The following BANP variants were observed in gnomAD, a reference collection of about 807,000 sequenced individuals.
BANP encodes protein BANP.
BANP carries 11 observed loss-of-function variants against 68.1 expected under a neutral mutation model. The observed-to-expected ratio is 0.16, with a 90% CI of 0.10 to 0.27. The LOEUF is 0.27. Among genes scored for constraint, BANP ranks in the 10% least tolerant of loss-of-function variants. The pLI is 1.00. For missense variants in BANP, 504 were observed against 722.7 expected, an observed-to-expected ratio of 0.70 and a Z score of 3.47; for synonymous variants, 329 against 303.2, an observed-to-expected ratio of 1.09 and a Z score of -0.88.
chr16:87,987,950 G>A (rs543925456), intron 4 of BANP, among the ~76,000 whole-genome samples: 9 of 152,024 alleles, frequency 5.9e-5, no homozygotes, highest in African/African-American at 2.2e-4. Flanking sequence ...TTTTGATAGA[G>A]ATGAGGTTTT....
chr16:87,949,256 G>A (rs947206573), upstream of BANP: 1 of 152,186 alleles, frequency 6.6e-6, no homozygotes, highest in African/African-American at 2.4e-5. Flanking sequence ...ACTTGGGAAT[G>A]TTTTGAAACA....
intron 2 of BANP, among the ~76,000 whole-genome samples, chr16:87,975,835 G>C (rs1185964453): frequency 1.8e-5 from 2 of 113,002 alleles, no homozygotes; most frequent in South Asian, 2.3e-4. Flanking sequence ...ATCATGTTGT[G>C]TGTGTAATCC....
chr16:88,038,294 G>A (rs999945329), intron 11 of BANP, among the ~76,000 whole-genome samples: 10 of 152,142 alleles, frequency 6.6e-5, no homozygotes, highest in South Asian at 2.1e-4. Flanking sequence ...GGGGGCTCTC[G>A]CGGGAGGGAG....
chr16:87,970,320 G>A (rs1392256085), intron 1 of BANP: 1 of 152,216 alleles, frequency 6.6e-6, no homozygotes, highest in Non-Finnish European at 1.5e-5. Context: ...TTGTTCGGTA[G>A]GGGAGCCTCC....
intron 7 of BANP, among the ~76,000 whole-genome samples, chr16:88,021,687 G>A (rs1176925523): frequency 6.6e-6 from 1 of 152,226 alleles, no homozygotes; most frequent in East Asian, 1.9e-4. Flanking sequence ...AATGCATGGA[G>A]CAAACCTCCC....
At position 87,981,507 on chromosome 16, in the gene BANP, C is replaced by T. The variant is rs181005389; in HGVS notation, c.162+380C>T. ...TCTCATTGACTAAATTACATCTACA[C>T]AGACCCAAAGAGTTTCTAAATTACA... On this transcript the variant is annotated intron_variant, in intron 3 of 13. Coordinates refer to ENST00000682872, the MANE Select transcript of BANP (RefSeq NM_001386991.1). 6.6e-5 allele frequency among the ~76,000 whole-genome samples: 10 copies of T among 152,358 alleles called. No individual in the cohort carries two copies. In the East Asian group the frequency reaches 1.9e-3, roughly 29 times the overall value.
chr16:88,076,326 C>G (rs1599211074), intron 13 of BANP, among the ~76,000 whole-genome samples: 1 of 141,028 alleles, frequency 7.1e-6, no homozygotes, highest in East Asian at 2.4e-4. Context: ...TGCGCCGGCC[C>G]CGGTGACGGA....
At chr16:88,015,090 CCCCTCTGCCCGTCCCTCTGCCT>C (rs750421044) in intron 6 of BANP, among the ~76,000 whole-genome samples, 8,717 of 140,018 alleles carry the variant, frequency 0.062, 361 homozygotes, top group African/African-American at 0.12. Flanking sequence ...CTCTGCCTGT[CCCCTCTGCCCGTCCCTCTGCCT>C]GTCCCTCTGC....
At chr16:87,983,756 A>G (rs566917851) in intron 3 of BANP, among the ~76,000 whole-genome samples, 3 of 152,294 alleles carry the variant, frequency 2.0e-5, no homozygotes, top group East Asian at 1.9e-4. Context: ...TTTACTGATT[A>G]ATAATAACAT....
intron 4 of BANP, among the ~76,000 whole-genome samples, chr16:87,988,078 A>G (rs2064926662): frequency 6.6e-6 from 1 of 152,236 alleles, no homozygotes; most frequent in African/African-American, 2.4e-5. Context: ...AGATAAGAAC[A>G]TAATCCCAGT....
At chr16:88,028,925 A>G (rs1374301409) in intron 8 of BANP, among the ~76,000 whole-genome samples, 1 of 152,226 alleles carries the variant, frequency 6.6e-6, no homozygotes, top group Non-Finnish European at 1.5e-5. Context: ...TAGTAGGATA[A>G]TTTTTATTTT....
intron 6 of BANP, among the ~76,000 whole-genome samples, chr16:88,015,165 G>A (rs1285942055): frequency 5.1e-5 from 7 of 138,610 alleles, no homozygotes; most frequent in African/African-American, 1.6e-4. Flanking sequence ...CCCTCTGCCC[G>A]TCCCCTCTGC....
chr16:88,039,080 T>C (rs1202366340), intron 11 of BANP, among the ~76,000 whole-genome samples: 1 of 152,172 alleles, frequency 6.6e-6, no homozygotes, highest in Admixed American at 6.5e-5. Context: ...CCCGTGGGCT[T>C]TCCGTTGACC....
chr16:87,959,217 G>T lies in BANP; in HGVS notation c.-69+7702G>T, dbSNP rs562399706. On this transcript the variant is annotated intron_variant, in intron 1 of 13. Transcript: ENST00000682872. ...GACTCTGCTGTTGGGCTGAGAAGCA[G>T]GCACCTTGTTTGTGGACGCTGACAT... is the stretch of plus-strand genomic sequence containing the variant. Among the ~76,000 whole-genome samples, 5 of 152,346 alleles carry T rather than the reference G, an allele frequency of 3.3e-5. No individual in the cohort carries two copies. In the South Asian group the frequency reaches 8.3e-4, roughly 25 times the overall value.
At chr16:88,066,862 G>A (rs1044702394) in intron 12 of BANP, among the ~76,000 whole-genome samples, 5 of 152,216 alleles carry the variant, frequency 3.3e-5, no homozygotes, top group African/African-American at 1.2e-4. Flanking sequence ...AGACTTGAGG[G>A]TCTCCCAGGG....
chr16:87,987,882 C>T (rs936880618), intron 4 of BANP, among the ~76,000 whole-genome samples: 2 of 152,060 alleles, frequency 1.3e-5, no homozygotes, highest in Admixed American at 6.6e-5. Context: ...TCTCCCACCT[C>T]AGCCTCCCGA....
At chr16:88,013,570 C>T (rs771883641) in intron 6 of BANP, among the ~76,000 whole-genome samples, 6 of 152,204 alleles carry the variant, frequency 3.9e-5, no homozygotes, top group Non-Finnish European at 8.8e-5. Flanking sequence ...GTGACGTGGG[C>T]GTGCCCCATG....
chr16:87,995,416 C>G (rs1175385288), intron 4 of BANP, among the ~76,000 whole-genome samples: 1 of 152,176 alleles, frequency 6.6e-6, no homozygotes, highest in Non-Finnish European at 1.5e-5. Context: ...AGAAAATGTT[C>G]TTAGGGAACA....
intron 11 of BANP, 116 bp from the exon 12 acceptor site, chr16:88,065,151 C>A: frequency 3.4e-6 from 2 of 586,594 alleles, no homozygotes; most frequent in South Asian, 4.0e-5. Context: ...CGACCACAGA[C>A]CCCGTGGCTT....
Sources: gnomAD v4.1 joint callset for allele counts (sites outside exome capture counted in the v4.1 genomes callset) on GRCh38, gnomAD v4.1.1 for gene constraint, MANE v1.5 for transcripts, NCBI Gene and HGNC (gene_info 2026-07-23, HGNC 2026-07-21) for gene names.